Variants in TBC1D4 observed in about 807,000 individuals in gnomAD.
TBC1D4 encodes the protein TBC1 domain family member 4, also known as TBC (Tre-2, BUB2, CDC16) domain-containing protein.
A neutral mutation model predicts 142.5 loss-of-function variants in TBC1D4; 121 were observed. The ratio of observed to expected loss-of-function variants is 0.85; its 90% CI spans 0.73 to 0.99. The LOEUF (loss-of-function observed/expected upper bound fraction) is 0.99, where lower values mean the gene tolerates loss of function less well. TBC1D4 is among the 50% of genes least tolerant of loss of function. The probability of loss-of-function intolerance (pLI) is 0.00; values close to 1 mark genes in which losing one functional copy is unlikely to be tolerated. For synonymous variants in TBC1D4, 630 were observed against 628.2 expected (o/e 1.00, Z -0.04); for missense variants, 1,475 against 1,606.6 (o/e 0.92, Z 1.40).
rs142174802 is a variant in TBC1D4 at position 75,364,497 on chromosome 13, C to T, written c.499-1890G>A. 6.2e-3 allele frequency among the ~76,000 whole-genome samples: 944 copies of T among 152,370 alleles called. 12 individuals are homozygous for T. The highest frequency in any genetic ancestry group is 0.021 in the African/African-American group (854 of 41,594). On this transcript the variant is annotated intron_variant, in intron 1 of 20. Coordinates refer to ENST00000377636, the MANE Select transcript of TBC1D4 (RefSeq NM_014832.5). ...TAGCTTCAGTGACTCACCCTGAACACTTGCCATGTCTCAGGGACAAAGTCA... is the reference window on the plus strand; with the variant it reads ...TAGCTTCAGTGACTCACCCTGAACATTTGCCATGTCTCAGGGACAAAGTCA...
chr13:75,390,114 A>G (rs1884385378), intron 1 of TBC1D4, among the ~76,000 whole-genome samples: 1 of 151,844 alleles, frequency 6.6e-6, no homozygotes, highest in Non-Finnish European at 1.5e-5. Flanking sequence ...CGTCTCTACT[A>G]AAAATACAAA....
At chr13:75,436,657 CAA>C (rs111561619) in intron 1 of TBC1D4, among the ~76,000 whole-genome samples, 3 of 115,468 alleles carry the variant, frequency 2.6e-5, no homozygotes, top group African/African-American at 2.9e-5. Context: ...ACCCTGTCTC[CAA>C]AAAAAAAAAA....
In TBC1D4 at chr13:75,295,018, A is replaced by G. The variant is rs1566345130; in HGVS notation, c.3157-5T>C. Reference sequence around the variant, plus strand: ...GGACAGCTGGTACATTTGAATCTAAAGTTAATTTGGAGAAGAAAAAAAATA... The same window carrying G: ...GGACAGCTGGTACATTTGAATCTAAGGTTAATTTGGAGAAGAAAAAAAATA... On this transcript the variant is annotated splice_region_variant and splice_polypyrimidine_tract_variant and intron_variant, in intron 17 of 20. Transcript: ENST00000377636. 1 of 1,613,568 alleles carries G rather than the reference A, an allele frequency of 6.2e-7. No homozygotes were observed. The highest frequency in any genetic ancestry group is 2.2e-5 in the East Asian group (1 of 44,860).
chr13:75,393,207 T>C (rs756726989), intron 1 of TBC1D4, among the ~76,000 whole-genome samples: 23 of 151,922 alleles, frequency 1.5e-4, no homozygotes, highest in Non-Finnish European at 3.1e-4. Flanking sequence ...TTTTCCTTCC[T>C]TTTGCTACCA....
At chr13:75,407,567 A>G (rs1468974801) in intron 1 of TBC1D4, among the ~76,000 whole-genome samples, 4 of 152,232 alleles carry the variant, frequency 2.6e-5, no homozygotes, top group African/African-American at 9.7e-5. Context: ...TTTGGTACAA[A>G]CTACATACAA....
intron 16 of TBC1D4, among the ~76,000 whole-genome samples, chr13:75,300,460 T>C (rs1185409590): frequency 1.3e-5 from 2 of 152,208 alleles, no homozygotes; most frequent in Non-Finnish European, 1.5e-5. Flanking sequence ...CATTTAGAAC[T>C]TGCAAGAGTG....
intron 1 of TBC1D4, among the ~76,000 whole-genome samples, chr13:75,480,153 CAGA>C (rs1888778129): frequency 2.0e-5 from 3 of 151,996 alleles, no homozygotes; most frequent in African/African-American, 4.8e-5. Flanking sequence ...CAATTACAGA[CAGA>C]AGAATTGTGA....
chr13:75,339,733 A>G (rs1384526353), intron 7 of TBC1D4, among the ~76,000 whole-genome samples: 1 of 134,160 alleles, frequency 7.5e-6, no homozygotes, highest in Non-Finnish European at 1.7e-5. Context: ...ACACCACCAC[A>G]CCGGCTAATT....
In TBC1D4 at chr13:75,326,416, G is replaced by A. The variant is rs202243614; in HGVS notation, c.1814C>T (p.Ser605Leu). ...TGTCCCTGGTGGAGAATCCCCTGGT[G>A]AGTAGTCCTGAAACACAAGCGGAAG... Reference protein sequence around the residue: ...SNSLASEKDYSPGDSPPGTPP... With the variant: ...SNSLASEKDYLPGDSPPGTPP... The change falls in exon 10 of 21, where the codon TCA (serine) becomes TTA (leucine). Residue 605 changes from serine (S) to leucine (L), a missense_variant. Ser to Leu is a moderately radical substitution (Grantham distance 145). Coordinates refer to ENST00000377636, the MANE Select transcript of TBC1D4 (RefSeq NM_014832.5). The A allele has an allele frequency of 3.1e-6, 5 of 1,614,036 alleles. No homozygotes were observed. The highest frequency in any genetic ancestry group is 4.2e-6 in the Non-Finnish European group (5 of 1,180,038).
chr13:75,346,575 C>T (rs1881169062), intron 5 of TBC1D4, among the ~76,000 whole-genome samples: 2 of 152,144 alleles, frequency 1.3e-5, no homozygotes, highest in South Asian at 4.1e-4. Context: ...GGTTCCAAGT[C>T]TTTGCTAGTG....
intron 1 of TBC1D4, among the ~76,000 whole-genome samples, chr13:75,424,626 A>T (rs1886305779): frequency 6.6e-6 from 1 of 152,200 alleles, no homozygotes; most frequent in South Asian, 2.1e-4. Flanking sequence ...CTACAAAGCT[A>T]TAGTAATCAA....
At chr13:75,456,989 C>T (rs921538607) in intron 1 of TBC1D4, among the ~76,000 whole-genome samples, 3 of 151,862 alleles carry the variant, frequency 2.0e-5, no homozygotes, top group South Asian at 4.2e-4. Flanking sequence ...CAGGAATATA[C>T]CTTTCAGACA....
chr13:75,313,310 G>C (rs372749218), intron 12 of TBC1D4, among the ~76,000 whole-genome samples: 1 of 152,178 alleles, frequency 6.6e-6, no homozygotes, highest in East Asian at 1.9e-4. Context: ...AGCTCTTATA[G>C]AACAGGTCAA....
chr13:75,453,962 A>G (rs1887630972), intron 1 of TBC1D4, among the ~76,000 whole-genome samples: 1 of 152,196 alleles, frequency 6.6e-6, no homozygotes, highest in Non-Finnish European at 1.5e-5. Flanking sequence ...CAAACATGAA[A>G]ATAAAAGGAA....
At chr13:75,434,183 T>TCA (rs1157363031) in intron 1 of TBC1D4, among the ~76,000 whole-genome samples, 3 of 152,170 alleles carry the variant, frequency 2.0e-5, no homozygotes, top group African/African-American at 7.2e-5. Context: ...GGAATATAAG[T>TCA]CATTCTGCCA....
intron 1 of TBC1D4, among the ~76,000 whole-genome samples, chr13:75,397,016 A>G (rs991528269): frequency 6.6e-6 from 1 of 152,218 alleles, no homozygotes; most frequent in Non-Finnish European, 1.5e-5. Flanking sequence ...CATTGCCATC[A>G]GTCCCAACTG....
chr13:75,368,451 CT>C (rs1404453639), intron 1 of TBC1D4, among the ~76,000 whole-genome samples: 1 of 150,658 alleles, frequency 6.6e-6, no homozygotes, highest in Non-Finnish European at 1.5e-5. Flanking sequence ...GGCTTTAGTT[CT>C]TAGATATTCT....
At chr13:75,481,216 T>TCAC in intron 1 of TBC1D4, 54 bp downstream of exon 1, 1 of 772,280 alleles carries the variant, frequency 1.3e-6, no homozygotes, top group Non-Finnish European at 2.1e-6. Flanking sequence ...CCCGCCCTGC[T>TCAC]CCCCGATCCC....
chr13:75,345,894 T>G (rs1881110917), intron 5 of TBC1D4, among the ~76,000 whole-genome samples: 1 of 152,250 alleles, frequency 6.6e-6, no homozygotes, highest in Admixed American at 6.5e-5. Context: ...TATGAGAATT[T>G]AAAACTTCTG....
Sources: gnomAD v4.1 joint callset for allele counts (sites outside exome capture counted in the v4.1 genomes callset) on GRCh38, gnomAD v4.1.1 for gene constraint, MANE v1.5 for transcripts, NCBI Gene and HGNC (gene_info 2026-07-23, HGNC 2026-07-21) for gene names.